IMMP2L: variants seen among roughly 807,000 people sequenced by gnomAD.
IMMP2L encodes the protein mitochondrial inner membrane protease subunit 2.
IMMP2L carries 18 observed loss-of-function variants against 19.3 expected under a neutral mutation model. The observed-to-expected ratio is 0.93, with a 90% CI of 0.64 to 1.38. The LOEUF is 1.38. Ranked by LOEUF, IMMP2L falls within the 40% of genes most tolerant of loss-of-function variation. The pLI, the probability that IMMP2L is intolerant of heterozygous loss-of-function variation, is 0.00. For missense variants in IMMP2L, 233 were observed against 218.2 expected, an observed-to-expected ratio of 1.07 and a Z score of -0.43; for synonymous variants, 76 against 73.0, an observed-to-expected ratio of 1.04 and a Z score of -0.21.
chr7:111,422,073 A>G (rs925321915), intron 3 of IMMP2L, among the ~76,000 whole-genome samples: 25 of 151,640 alleles, frequency 1.6e-4, no homozygotes, highest in African/African-American at 6.1e-4. Flanking sequence ...GTTCTGTTCC[A>G]TTGGTCTATA....
intron 3 of IMMP2L, among the ~76,000 whole-genome samples, chr7:111,077,531 T>C (rs1292866361): frequency 6.6e-6 from 1 of 152,168 alleles, no homozygotes; most frequent in Non-Finnish European, 1.5e-5. Context: ...GTTTAAAATA[T>C]CTCTGGAATA....
chr7:110,903,139 A>G (rs982083850), intron 4 of IMMP2L, among the ~76,000 whole-genome samples: 7 of 152,296 alleles, frequency 4.6e-5, no homozygotes, highest in Non-Finnish European at 8.8e-5. Context: ...AGGTTCCCCC[A>G]GAGTGGCACC....
intron 3 of IMMP2L, among the ~76,000 whole-genome samples, chr7:111,133,404 G>C (rs1296912120): frequency 6.6e-6 from 1 of 151,968 alleles, no homozygotes; most frequent in East Asian, 1.9e-4. Flanking sequence ...ATCCCAATTA[G>C]AGGGCAGAGA....
chr7:110,995,084 T>C (rs375025774), intron 3 of IMMP2L, among the ~76,000 whole-genome samples: 13 of 152,222 alleles, frequency 8.5e-5, no homozygotes, highest in African/African-American at 2.6e-4. Context: ...AAGAGCACCA[T>C]AGAAGTACAA....
chr7:111,305,132 A>G (rs900192170), intron 3 of IMMP2L, among the ~76,000 whole-genome samples: 9 of 152,054 alleles, frequency 5.9e-5, no homozygotes, highest in African/African-American at 2.2e-4. Flanking sequence ...TGGCATCTCC[A>G]GAGTCTTGCA....
intron 5 of IMMP2L, among the ~76,000 whole-genome samples, chr7:110,826,504 G>A (rs1042407268): frequency 6.6e-6 from 1 of 152,132 alleles, no homozygotes. Flanking sequence ...ATACTATGCA[G>A]CCATAAAAAA....
intron 5 of IMMP2L, among the ~76,000 whole-genome samples, chr7:110,695,914 C>A (rs907025076): frequency 7.2e-5 from 11 of 152,192 alleles, no homozygotes; most frequent in African/African-American, 2.7e-4. Context: ...AAACTGAAGT[C>A]TTTGTCTCCA....
intron 3 of IMMP2L, among the ~76,000 whole-genome samples, chr7:111,439,085 AG>A (rs918484759): frequency 1.3e-5 from 2 of 151,858 alleles, no homozygotes; most frequent in Non-Finnish European, 2.9e-5. Flanking sequence ...TGACTACACC[AG>A]GGACATACTA....
chr7:111,254,795 C>G (rs1377843844), intron 3 of IMMP2L, among the ~76,000 whole-genome samples: 1 of 151,986 alleles, frequency 6.6e-6, no homozygotes, highest in Non-Finnish European at 1.5e-5. Flanking sequence ...TTTTGTATCC[C>G]TCAAATCCAT....
At chr7:111,305,878 G>C (rs1215053921) in intron 3 of IMMP2L, among the ~76,000 whole-genome samples, 1 of 152,132 alleles carries the variant, frequency 6.6e-6, no homozygotes, top group Non-Finnish European at 1.5e-5. Context: ...ACAAAAAGTG[G>C]TTGATAATTA....
intron 3 of IMMP2L, among the ~76,000 whole-genome samples, chr7:111,389,785 A>T (rs1421543299): frequency 6.6e-6 from 1 of 152,050 alleles, no homozygotes. Flanking sequence ...AAAAACCTTA[A>T]CTCTCTATGA....
chr7:110,982,695 T>G (rs1821426044), intron 3 of IMMP2L, among the ~76,000 whole-genome samples: 1 of 152,168 alleles, frequency 6.6e-6, no homozygotes, highest in Admixed American at 6.5e-5. Context: ...ATCAACAGTA[T>G]ATATCAACCA....
chr7:111,425,796 T>C lies in IMMP2L; in HGVS notation c.239+61442A>G, dbSNP rs146531968. Reference sequence around the variant, plus strand: ...ACCATAATCTTAGTTACCCACCTGCTGGATCATTCTTAGATCATTTCTTAG... The same window carrying C: ...ACCATAATCTTAGTTACCCACCTGCCGGATCATTCTTAGATCATTTCTTAG... On this transcript the variant is annotated intron_variant, in intron 3 of 5. Coordinates refer to ENST00000405709, the MANE Select transcript of IMMP2L (RefSeq NM_032549.4). 4.3e-4 allele frequency among the ~76,000 whole-genome samples: 65 copies of C among 151,416 alleles called. 4 individuals carry two copies. The highest frequency in any genetic ancestry group is 1.5e-3 in the African/African-American group (62 of 41,226).
intron 3 of IMMP2L, among the ~76,000 whole-genome samples, chr7:111,174,560 C>T (rs927440893): frequency 6.6e-6 from 1 of 151,662 alleles, no homozygotes; most frequent in East Asian, 1.9e-4. Context: ...AATCTTCTGG[C>T]CCTTGTTTGC....
intron 5 of IMMP2L, among the ~76,000 whole-genome samples, chr7:110,706,133 T>G (rs187085630): frequency 6.6e-6 from 1 of 152,226 alleles, no homozygotes; most frequent in Admixed American, 6.5e-5. Flanking sequence ...GATGGGGTCT[T>G]ACTCTGTCAT....
chr7:110,945,262 A>C (rs115203820), intron 4 of IMMP2L, among the ~76,000 whole-genome samples: 1,986 of 152,110 alleles, frequency 0.013, 44 homozygotes, highest in African/African-American at 0.045. Flanking sequence ...GCAGGAATGC[A>C]TAATAAGATT....
intron 4 of IMMP2L, among the ~76,000 whole-genome samples, chr7:110,907,986 A>G (rs531061794): frequency 3.2e-4 from 49 of 152,256 alleles, no homozygotes; most frequent in African/African-American, 1.2e-3. Flanking sequence ...TTGGCTGGAT[A>G]TGTCTCATGA....
At position 110,844,926 on chromosome 7, in the gene IMMP2L, GA is replaced by G. The variant is rs1466030819; in HGVS notation, c.408+41666del. 9.2e-5 allele frequency among the ~76,000 whole-genome samples: 14 copies of G among 151,992 alleles called. No homozygotes were observed. In the South Asian group the frequency reaches 1.7e-3, roughly 18 times the overall value. On this transcript the variant is annotated intron_variant, in intron 5 of 5. Transcript: ENST00000405709. ...AGTGCAATTAAGAGGATTGAAAGGG[GA>G]GGCCCAGAAAAAGAGTCCCAGGCAC...
At chr7:111,526,492 T>C (rs961717758) in intron 1 of IMMP2L, among the ~76,000 whole-genome samples, 1 of 152,154 alleles carries the variant, frequency 6.6e-6, no homozygotes, top group Non-Finnish European at 1.5e-5. Context: ...AGAAAGATGG[T>C]ATCTGCCCTA....
Sources: gnomAD v4.1 joint callset for allele counts (sites outside exome capture counted in the v4.1 genomes callset) on GRCh38, gnomAD v4.1.1 for gene constraint, MANE v1.5 for transcripts, NCBI Gene and HGNC (gene_info 2026-07-23, HGNC 2026-07-21) for gene names.